EPS15: variants seen among roughly 807,000 people sequenced by gnomAD.
EPS15 encodes the protein epidermal growth factor receptor substrate 15.
A neutral mutation model predicts 113.8 loss-of-function variants in EPS15; 72 were observed. That is an observed-to-expected ratio of 0.63 (90% CI 0.52 to 0.77). The LOEUF (loss-of-function observed/expected upper bound fraction) is 0.77. EPS15 is among the 30% of genes least tolerant of loss of function. The pLI is 0.00. For missense variants in EPS15, 1,048 were observed against 1,045.8 expected (o/e 1.00, Z -0.03); for synonymous variants, 344 against 363.4 (o/e 0.95, Z 0.61).
intron 8 of EPS15, among the ~76,000 whole-genome samples, chr1:51,455,302 T>C (rs751590834): frequency 6.6e-6 from 1 of 151,142 alleles, no homozygotes; most frequent in Non-Finnish European, 1.5e-5. Context: ...ACAGAAAAAT[T>C]TGGCCCTTTG....
At chr1:51,383,411 G>A (rs1034404756) in intron 21 of EPS15, among the ~76,000 whole-genome samples, 1 of 152,262 alleles carries the variant, frequency 6.6e-6, no homozygotes, top group African/African-American at 2.4e-5. Context: ...CCGGTTTTGT[G>A]GAAGACAATT....
rs1306402680 is a variant in EPS15 at position 51,489,564 on chromosome 1, C to T, written c.34-8250G>A. Among the ~76,000 whole-genome samples, 7 of 152,032 alleles carry T rather than the reference C, an allele frequency of 4.6e-5. No individual in the cohort carries two copies. The South Asian group carries it at 1.2e-3, about 27-fold the overall frequency. On this transcript the variant is annotated intron_variant, in intron 1 of 24. Coordinates refer to ENST00000371733, the MANE Select transcript of EPS15 (RefSeq NM_001981.3). Reference sequence around the variant, plus strand: ...AACTCCTGGCCTCAGGTGACTAGTACAGCATCTTAAGGTGTTTAGGTGGTA... The same window carrying T: ...AACTCCTGGCCTCAGGTGACTAGTATAGCATCTTAAGGTGTTTAGGTGGTA...
At chr1:51,504,842 C>T (rs1317239976) in intron 1 of EPS15, among the ~76,000 whole-genome samples, 1 of 152,056 alleles carries the variant, frequency 6.6e-6, no homozygotes, top group Admixed American at 6.6e-5. Context: ...AGTCAGCAGC[C>T]GAGCGTGGTG....
In EPS15 at chr1:51,383,659, T is replaced by C. The variant is rs1318509769; in HGVS notation, c.2119+10722A>G. 2.0e-5 allele frequency among the ~76,000 whole-genome samples: 3 copies of C among 152,296 alleles called. No homozygotes were observed. In the South Asian group the frequency reaches 6.2e-4, roughly 32 times the overall value. On this transcript the variant is annotated intron_variant, in intron 21 of 24. Transcript: ENST00000371733. Reference sequence around the variant, plus strand: ...ATCACTCACCTCCTCCTGTGCAGCCTGGTTCCTAACAGGCCACAGACTGGT... The same window carrying C: ...ATCACTCACCTCCTCCTGTGCAGCCCGGTTCCTAACAGGCCACAGACTGGT...
At position 51,356,407 on chromosome 1, in the gene EPS15, A is replaced by G. The variant is rs1280996040; in HGVS notation, c.*293T>C. 6.3e-6 allele frequency: 2 copies of G among 317,838 alleles called. No individual in the cohort carries two copies. The highest frequency in any genetic ancestry group is 1.2e-5 in the Non-Finnish European group (2 of 173,382). The allele number at this position is 317,838 out of a possible 1,614,324, so 19.7% of individuals were successfully genotyped here. ...CAGAAGGCAGAAGCTTGGGTGCTCT[A>G]GCTTTACAAGTAAAATAGCACAGGC... On this transcript the variant is annotated 3_prime_UTR_variant, in exon 25 of 25. Coordinates refer to ENST00000371733, the MANE Select transcript of EPS15 (RefSeq NM_001981.3).
At chr1:51,357,033 T>C (rs1279121023) in intron 24 of EPS15, among the ~76,000 whole-genome samples, 187 bp from the exon 25 acceptor site, 1 of 152,070 alleles carries the variant, frequency 6.6e-6, no homozygotes, top group Non-Finnish European at 1.5e-5. Flanking sequence ...TATAGTTTAA[T>C]TTAAAAAATT....
At position 51,356,690 on chromosome 1, in the gene EPS15, A is replaced by C; in HGVS notation, c.*10T>G. 6.2e-7 allele frequency: 1 copy of C among 1,606,898 alleles called. No individual in the cohort carries two copies. Among genetic ancestry groups the C allele is most frequent in the Non-Finnish European group, 8.5e-7 (1 of 1,178,976 alleles). On this transcript the variant is annotated 3_prime_UTR_variant, in exon 25 of 25. Transcript: ENST00000371733. ...AATACTATATTGTTGCCAAAGAACA[A>C]GAGAATTCTTCATGCTTCTGATATC...
At chr1:51,480,201 T>G (rs143967540) in intron 2 of EPS15, among the ~76,000 whole-genome samples, 2 of 152,350 alleles carry the variant, frequency 1.3e-5, no homozygotes, top group Non-Finnish European at 2.9e-5. Flanking sequence ...TGCAACTATG[T>G]AAATAGCCAG....
chr1:51,357,519 A>T (rs1646266780), intron 24 of EPS15, among the ~76,000 whole-genome samples: 1 of 145,060 alleles, frequency 6.9e-6, no homozygotes, highest in South Asian at 2.2e-4. Context: ...AAAACAGGAC[A>T]GGGCTAGCCT....
At position 51,450,565 on chromosome 1, in the gene EPS15, T is replaced by C. The variant is rs12088667; in HGVS notation, c.562-2430A>G. On this transcript the variant is annotated intron_variant, in intron 8 of 24. Transcript: ENST00000371733. ...TAAACTTCTGTTTTTCTCTTATCTT[T>C]TGTTACAGGGTTCTCAGCCAAGAAC... is the stretch of plus-strand genomic sequence containing the variant. Among the ~76,000 whole-genome samples, 201 of 151,996 alleles carry C rather than the reference T, an allele frequency of 1.3e-3. 6 individuals are homozygous for C. Among genetic ancestry groups the C allele is most frequent in the African/African-American group, 4.5e-3 (187 of 41,258 alleles).
At chr1:51,480,854 C>G (rs1335834042) in intron 2 of EPS15, among the ~76,000 whole-genome samples, 1 of 152,128 alleles carries the variant, frequency 6.6e-6, no homozygotes, top group Admixed American at 6.5e-5. Context: ...TATATCTGTA[C>G]TAATTAACCA....
intron 1 of EPS15, among the ~76,000 whole-genome samples, chr1:51,489,310 T>G (rs1261519377): frequency 7.1e-6 from 1 of 140,166 alleles, no homozygotes; most frequent in Non-Finnish European, 1.6e-5. Flanking sequence ...TATATATGTA[T>G]GTATGTATGT....
intron 13 of EPS15, among the ~76,000 whole-genome samples, chr1:51,415,831 A>T (rs1650166546): frequency 1.6e-5 from 2 of 126,094 alleles, no homozygotes; most frequent in Non-Finnish European, 3.3e-5. Flanking sequence ...AAAAAAAAAA[A>T]TTCCAACACT....
rs527578328 is a variant in EPS15, at chr1:51,386,193, G to T, written c.2119+8188C>A. Among the ~76,000 whole-genome samples, 16 of 152,172 alleles carry T rather than the reference G, an allele frequency of 1.1e-4. No homozygotes were observed. In the East Asian group the frequency reaches 3.1e-3, roughly 29 times the overall value. ...CGCCCAGGCATATTTTCAGGTTCTT[G>T]GGTTATATCAGTGAAAACAAAGATC... On this transcript the variant is annotated intron_variant, in intron 21 of 24. Coordinates refer to ENST00000371733, the MANE Select transcript of EPS15 (RefSeq NM_001981.3).
chr1:51,413,912 C>A (rs1649974869), intron 13 of EPS15, among the ~76,000 whole-genome samples: 1 of 152,030 alleles, frequency 6.6e-6, no homozygotes, highest in African/African-American at 2.4e-5. Flanking sequence ...CCACGCCTGG[C>A]TAATTTTTAA....
chr1:51,394,482 G>T, intron 20 of EPS15, 35 bp from the exon 21 acceptor site: 4 of 1,373,038 alleles, frequency 2.9e-6, no homozygotes, highest in Middle Eastern at 1.8e-4. Flanking sequence ...AATGAGAGAG[G>T]CAACACTTCA....
chr1:51,443,901 GACTCACAAAAT>G (rs1419115158), intron 11 of EPS15, among the ~76,000 whole-genome samples: 10 of 152,004 alleles, frequency 6.6e-5, no homozygotes, highest in Admixed American at 6.6e-5. Flanking sequence ...TCCCACCTCG[GACTCACAAAAT>G]ACTGGGTTTA....
intron 18 of EPS15, among the ~76,000 whole-genome samples, chr1:51,402,070 G>A (rs1428577197): frequency 6.6e-6 from 1 of 152,262 alleles, no homozygotes; most frequent in Non-Finnish European, 1.5e-5. Context: ...CCGGGAGGCA[G>A]AAGTTGCAGT....
chr1:51,499,630 G>C (rs1644380175), intron 1 of EPS15, among the ~76,000 whole-genome samples: 1 of 151,738 alleles, frequency 6.6e-6, no homozygotes, highest in African/African-American at 2.4e-5. Context: ...TTTGATAAAA[G>C]CCACCCTAAT....
Sources: gnomAD v4.1 joint callset for allele counts (sites outside exome capture counted in the v4.1 genomes callset) on GRCh38, gnomAD v4.1.1 for gene constraint, MANE v1.5 for transcripts, NCBI Gene and HGNC (gene_info 2026-07-23, HGNC 2026-07-21) for gene names.